Variants in FCN3 observed in about 807,000 individuals in gnomAD.
FCN3 encodes ficolin 3.
A neutral mutation model predicts 31.5 loss-of-function variants in FCN3; 28 were observed. The observed-to-expected ratio is 0.89, with a 90% CI of 0.66 to 1.22. The LOEUF (loss-of-function observed/expected upper bound fraction) is 1.22, where lower values mean the gene tolerates loss of function less well. Among genes scored for constraint, FCN3 ranks in the 50% most tolerant of loss-of-function variants. The probability of loss-of-function intolerance (pLI) is 0.00; values close to 1 mark genes in which losing one functional copy is unlikely to be tolerated. For missense variants in FCN3, 351 were observed against 386.8 expected (o/e 0.91, Z 0.78); for synonymous variants, 124 against 147.4 (o/e 0.84, Z 1.15).
intron 2 of FCN3, 75 bp from the exon 3 acceptor site, chr1:27,374,084 C>A: frequency 7.3e-7 from 1 of 1,369,980 alleles, no homozygotes; most frequent in Non-Finnish European, 1.0e-6. Flanking sequence ...AGACTTGGAG[C>A]CAGAGGTTCA....
chr1:27,369,612 A>G (rs2016104812), intron 7 of FCN3, 135 bp from the exon 8 acceptor site: 13 of 794,768 alleles, frequency 1.6e-5, no homozygotes, highest in Non-Finnish European at 2.4e-5. Context: ...CCAAGGGGCC[A>G]GGTTGTTTGC....
chr1:27,374,044 AC>A (rs2148072988), intron 2 of FCN3, 35 bp from the exon 3 acceptor site: 1 of 1,599,888 alleles, frequency 6.3e-7, no homozygotes, highest in Non-Finnish European at 8.5e-7. Flanking sequence ...CCTGAGTCCC[AC>A]CCCATGCCCA....
chr1:27,370,031 G>A (rs1416319652), intron 7 of FCN3, among the ~76,000 whole-genome samples: 1 of 149,708 alleles, frequency 6.7e-6, no homozygotes, highest in African/African-American at 2.5e-5. Context: ...TTCTGAGATG[G>A]AGTCTCGCTC....
intron 2 of FCN3, 50 bp from the exon 3 acceptor site, chr1:27,374,059 C>T: frequency 1.3e-6 from 2 of 1,541,436 alleles, no homozygotes; most frequent in Non-Finnish European, 1.8e-6. Context: ...ATGCCCAGGA[C>T]CAAAAAGAAA....
intron 1 of FCN3, 132 bp downstream of exon 1, chr1:27,374,596 G>T: frequency 1.3e-6 from 1 of 750,834 alleles, no homozygotes; most frequent in Non-Finnish European, 2.2e-6. Context: ...GCATCCATTT[G>T]CATATATTTA....
rs2016198944 is a variant in FCN3 at position 27,373,910 on chromosome 1, G to C, written c.232+55C>G. The stretch of plus-strand genomic sequence containing the variant: ...GCAGCCAAGCAGAGATCCCACCCTA[G>C]AGTCCAGGGACAGAGGCAAAGAAAG... On this transcript the variant is annotated intron_variant, in intron 3 of 7. Transcript: ENST00000270879. 12 of 1,466,708 alleles carry C rather than the reference G, an allele frequency of 8.2e-6. 1 individual carries two copies. In the South Asian group the frequency reaches 1.4e-4, roughly 17 times the overall value. The allele number at this position is 1,466,708 out of a possible 1,614,324, so 90.9% of individuals were successfully genotyped here.
chr1:27,373,542 T>C (rs1180580078), intron 3 of FCN3, 22 bp from the exon 4 acceptor site: 1 of 1,613,656 alleles, frequency 6.2e-7, no homozygotes, highest in Non-Finnish European at 8.5e-7. Context: ...AAGGGATGAG[T>C]GTTGGCTCTG....
intron 1 of FCN3, 77 bp from the exon 2 acceptor site, chr1:27,374,528 C>T: frequency 1.0e-6 from 1 of 999,958 alleles, no homozygotes; most frequent in Admixed American, 2.1e-5. Context: ...CTTCCTGTCT[C>T]CCAGATTCCC....
intron 5 of FCN3, among the ~76,000 whole-genome samples, chr1:27,372,775 T>A (rs28385649): frequency 1.4e-5 from 2 of 141,094 alleles, no homozygotes; most frequent in Admixed American, 7.2e-5. Context: ...CCTACCCTAT[T>A]TTTTTTTTTT....
intron 5 of FCN3, among the ~76,000 whole-genome samples, chr1:27,372,150 TG>T (rs1210745467): frequency 6.6e-6 from 1 of 152,182 alleles, no homozygotes; most frequent in Non-Finnish European, 1.5e-5. Context: ...GCATCTTTCA[TG>T]GTGTAGCCCG....
rs1252218914 is a variant in FCN3 at position 27,374,424 on chromosome 1, A to G, written c.119T>C (p.Val40Ala). 2 of 1,613,722 alleles carry G rather than the reference A, an allele frequency of 1.2e-6. No homozygotes were observed. The highest frequency in any genetic ancestry group is 2.2e-5 in the South Asian group (2 of 91,062). Residue 40 changes from valine to alanine, a missense_variant, in exon 2 of 8, where the codon GTT becomes GCT. Physicochemically the swap from Val to Ala is moderately conservative, Grantham distance 64 (BLOSUM62 0). Coordinates refer to ENST00000270879, the MANE Select transcript of FCN3 (RefSeq NM_003665.4). ...TCCGGGACAACTGGGCAGGAGGACA[A>G]CTTTGCTGGCTTCCAGTTCCCTGGG... ...PGPRELEASK[V>A]VLLPSCPGAP...
intron 1 of FCN3, 79 bp from the exon 2 acceptor site, chr1:27,374,530 C>A (rs2148073360): frequency 1.0e-6 from 1 of 985,104 alleles, no homozygotes; most frequent in South Asian, 1.4e-5. Context: ...TCCTGTCTCC[C>A]AGATTCCCAC....
intron 5 of FCN3, among the ~76,000 whole-genome samples, chr1:27,371,297 A>ATATTTGGCC (rs28362807): frequency 0.32 from 48,931 of 151,818 alleles, 7,988 homozygotes; most frequent in South Asian, 0.4. Flanking sequence ...AAGAACCAAG[A>ATATTTGGCC]ACGCTTGGTG....
intron 5 of FCN3, 46 bp downstream of exon 5, chr1:27,373,090 A>G: frequency 1.9e-6 from 3 of 1,602,620 alleles, no homozygotes; most frequent in Non-Finnish European, 2.6e-6. Context: ...AAGGGGGAGA[A>G]GTGACCAGTG....
Position 27,372,685 on chromosome 1 carries a change from G to A in FCN3, c.393+451C>T, listed in dbSNP as rs140868118. 6.7e-3 allele frequency among the ~76,000 whole-genome samples: 1,018 copies of A among 151,928 alleles called. 10 individuals are homozygous for A. The Middle Eastern group carries it at 0.068, about 10-fold the overall frequency. On this transcript the variant is annotated intron_variant, in intron 5 of 7. Transcript: ENST00000270879. ...TAGCCGACACCCACGCCTGCTCTCAGCTCACTCACGCGTTCCCTGCAAACC... is the reference window on the plus strand; with the variant it reads ...TAGCCGACACCCACGCCTGCTCTCAACTCACTCACGCGTTCCCTGCAAACC...
chr1:27,373,154 G>T lies in FCN3; in HGVS notation c.375C>A (p.Thr125=), dbSNP rs373558253. 3 of 1,613,904 alleles carry T rather than the reference G, an allele frequency of 1.9e-6. No homozygotes were observed. In the South Asian group the frequency reaches 3.3e-5, roughly 18 times the overall value. Reference sequence around the variant, plus strand: ...CACTCACCAGCCAGCCGCCCCCCTCGGTGTCCATGTCACAAAAGACTGGGA... The same window carrying T: ...CACTCACCAGCCAGCCGCCCCCCTCTGTGTCCATGTCACAAAAGACTGGGA... ...RALPVFCDMD[T]EGGGWLVFQR... is the part of the protein sequence containing the mutation. The change falls in exon 5 of 8, where the codon ACC becomes ACA. Residue 125 remains threonine, a synonymous_variant. Coordinates refer to ENST00000270879, the MANE Select transcript of FCN3 (RefSeq NM_003665.4).
At chr1:27,370,482 G>T in intron 7 of FCN3, 114 bp downstream of exon 7, 2 of 885,282 alleles carry the variant, frequency 2.3e-6, no homozygotes, top group Non-Finnish European at 3.5e-6. Context: ...TTTCTCAGAT[G>T]CGGAAACTAA....
At position 27,369,372 on chromosome 1, in the gene FCN3, T is replaced by C. The variant is rs1557574365; in HGVS notation, c.764A>G (p.Tyr255Cys). ...GAGATTTGATCGGTAACAGGATGCA[T>C]ACCACCAGGCACCGTGGACAATCAC... ...CAVIVHGAWW[Y>C]ASCYRSNLNG... Residue 255 changes from tyrosine (Y) to cysteine (C), a missense_variant, in exon 8 of 8, where the codon TAT becomes TGT. Physicochemically the swap from Tyr to Cys is radical, Grantham distance 194. Coordinates refer to ENST00000270879, the MANE Select transcript of FCN3 (RefSeq NM_003665.4). 3.1e-6 allele frequency: 5 copies of C among 1,614,204 alleles called. No individual in the cohort carries two copies. Among genetic ancestry groups the C allele is most frequent in the Non-Finnish European group, 4.2e-6 (5 of 1,180,024 alleles).
chr1:27,373,572 C>T, intron 3 of FCN3, 52 bp from the exon 4 acceptor site: 1 of 1,599,212 alleles, frequency 6.3e-7, no homozygotes, highest in Non-Finnish European at 8.6e-7. Flanking sequence ...CACCCCAGCG[C>T]TGAGCCACCA....
Sources: allele counts gnomAD v4.1 joint callset (sites outside exome capture counted in the v4.1 genomes callset), GRCh38; gene constraint gnomAD v4.1.1; transcripts MANE v1.5; gene names NCBI Gene and HGNC (gene_info 2026-07-23, HGNC 2026-07-21).